ACTR3C: variants seen among roughly 807,000 people sequenced by gnomAD.
The protein encoded by ACTR3C is actin-related protein 3C.
ACTR3C carries 18 observed loss-of-function variants against 26.3 expected under a neutral mutation model. The observed-to-expected ratio is 0.68, with a 90% CI of 0.47 to 1.01. The LOEUF (loss-of-function observed/expected upper bound fraction) is 1.01. Among genes scored for constraint, ACTR3C ranks in the 50% least tolerant of loss-of-function variants. The probability of loss-of-function intolerance (pLI) is 0.00; values close to 1 mark genes in which losing one functional copy is unlikely to be tolerated. For synonymous variants in ACTR3C, 55 were observed against 94.5 expected, an observed-to-expected ratio of 0.58 and a Z score of 2.42; for missense variants, 184 against 250.7, an observed-to-expected ratio of 0.73 and a Z score of 1.80.
chr7:150,134,658 AG>A, the ACTR3C span, among the ~76,000 whole-genome samples: 1 of 146,976 alleles, frequency 6.8e-6, no homozygotes, highest in Non-Finnish European at 1.5e-5. Flanking sequence ...CGACGCCACC[AG>A]AGGGGTCGCT....
chr7:150,079,343 T>C, the ACTR3C span, among the ~76,000 whole-genome samples: 1 of 152,142 alleles, frequency 6.6e-6, no homozygotes, highest in Admixed American at 6.5e-5. Context: ...TTTTATGACT[T>C]CCTGTCCTCG....
chr7:150,043,187 C>T, the ACTR3C span, among the ~76,000 whole-genome samples: 812 of 150,350 alleles, frequency 5.4e-3, 2 homozygotes, highest in Non-Finnish European at 9.6e-3. Context: ...AGGTACCTGC[C>T]GTCGGAAGAT....
At chr7:150,008,584 C>T in the ACTR3C span, among the ~76,000 whole-genome samples, 1 of 152,020 alleles carries the variant, frequency 6.6e-6, no homozygotes, top group Non-Finnish European at 1.5e-5. Context: ...TCTCCTAGAA[C>T]TGAGCACAGT....
the ACTR3C span, among the ~76,000 whole-genome samples, chr7:150,236,166 A>G: frequency 6.6e-6 from 1 of 152,244 alleles, no homozygotes; most frequent in Non-Finnish European, 1.5e-5. Context: ...TTAACCCTGT[A>G]TCTGGGAGAA....
the ACTR3C span, among the ~76,000 whole-genome samples, chr7:150,166,357 G>A: frequency 2.0e-5 from 3 of 150,826 alleles, no homozygotes; most frequent in Admixed American, 2.0e-4. Context: ...TTTGTGTTGG[G>A]GATACTTCAA....
At chr7:150,084,920 G>A in the ACTR3C span, among the ~76,000 whole-genome samples, 5 of 152,176 alleles carry the variant, frequency 3.3e-5, no homozygotes, top group African/African-American at 1.2e-4. Flanking sequence ...TGCAGCCCCA[G>A]TGGGGAGGTG....
chr7:150,174,984 A>T, the ACTR3C span, among the ~76,000 whole-genome samples: 1 of 146,528 alleles, frequency 6.8e-6, no homozygotes, highest in Non-Finnish European at 1.5e-5. Flanking sequence ...TTTTTGTAGA[A>T]ATTGATGAGG....
the ACTR3C span, among the ~76,000 whole-genome samples, chr7:150,035,878 C>T: frequency 3.3e-5 from 4 of 121,226 alleles, no homozygotes; most frequent in East Asian, 2.4e-4. Context: ...CAGCCAGGGG[C>T]GGAAGAGGGG....
At chr7:150,118,394 C>G in the ACTR3C span, among the ~76,000 whole-genome samples, 214 of 151,622 alleles carry the variant, frequency 1.4e-3, no homozygotes, top group African/African-American at 5.0e-3. Flanking sequence ...ACATAAATGA[C>G]CTGATGGAGC....
chr7:150,025,278 C>G, the ACTR3C span, among the ~76,000 whole-genome samples: 1 of 151,890 alleles, frequency 6.6e-6, no homozygotes, highest in Non-Finnish European at 1.5e-5. Context: ...TCAGTACACT[C>G]TACCCTCTGG....
the ACTR3C span, among the ~76,000 whole-genome samples, chr7:150,035,931 C>G: frequency 1.5e-3 from 207 of 135,312 alleles, 2 homozygotes; most frequent in African/African-American, 5.1e-3. Context: ...CCTCGCCCTC[C>G]TGCGATGGGG....
the ACTR3C span, among the ~76,000 whole-genome samples, chr7:150,045,782 C>G: frequency 6.6e-6 from 1 of 152,194 alleles, no homozygotes; most frequent in Non-Finnish European, 1.5e-5. Context: ...AAATAAAATT[C>G]AGAGCTCTTG....
chr7:150,205,289 T>C, the ACTR3C span, among the ~76,000 whole-genome samples: 2 of 152,224 alleles, frequency 1.3e-5, no homozygotes, highest in Admixed American at 6.5e-5. Context: ...CTAATGCTTA[T>C]TGAAGCTGCT....
intron 2 of ACTR3C, 134 bp downstream of exon 2, chr7:150,295,118 T>C (rs1036132948): frequency 8.4e-6 from 9 of 1,075,332 alleles, no homozygotes; most frequent in African/African-American, 6.7e-5. Flanking sequence ...CTGAATGGCA[T>C]GGGGACGGGG....
the ACTR3C span, among the ~76,000 whole-genome samples, chr7:150,197,482 G>A: frequency 6.6e-6 from 1 of 152,110 alleles, no homozygotes; most frequent in Admixed American, 6.5e-5. Context: ...TCTCTCTAGT[G>A]GATTTTAAAA....
rs574458366 is a variant in ACTR3C at position 150,252,922 on chromosome 7, T to C, written c.565-3868A>G. 9.1e-4 allele frequency among the ~76,000 whole-genome samples: 138 copies of C among 151,668 alleles called. 1 individual carries two copies. Among genetic ancestry groups the C allele is most frequent in the African/African-American group, 3.1e-3 (126 of 40,936 alleles). Reference sequence around the variant, plus strand: ...CAACAGCTATCTCAATTGTGGATGATATTTATATAAGAGCAAACTTTAAGC... The same window carrying C: ...CAACAGCTATCTCAATTGTGGATGACATTTATATAAGAGCAAACTTTAAGC... On this transcript the variant is annotated intron_variant, in intron 6 of 7. Transcript: ENST00000683684.
chr7:150,142,848 G>T, the ACTR3C span, among the ~76,000 whole-genome samples: 179 of 138,690 alleles, frequency 1.3e-3, no homozygotes, highest in African/African-American at 4.6e-3. Flanking sequence ...TTTTGTTTTT[G>T]TTTTGAGACG....
At chr7:150,051,611 T>G in the ACTR3C span, among the ~76,000 whole-genome samples, 2 of 132,482 alleles carry the variant, frequency 1.5e-5, no homozygotes, top group Non-Finnish European at 3.3e-5. Context: ...AATTATTTAA[T>G]GTCGAGTTTA....
Position 150,267,870 on chromosome 7 carries a change from C to T in ACTR3C, c.564+16883G>A, listed in dbSNP as rs1225143080. On this transcript the variant is annotated intron_variant, in intron 6 of 7. Transcript: ENST00000683684. The stretch of plus-strand genomic sequence containing the variant: ...GCAGGGGCTGAGGAACTTCTGCCAG[C>T]GATGGTTCCCTTCTGTACCTTAACT... Among the ~76,000 whole-genome samples the T allele has an allele frequency of 2.6e-5, 4 of 152,126 alleles. No homozygotes were observed. The South Asian group carries it at 6.2e-4, about 24-fold the overall frequency.
Sources: allele counts gnomAD v4.1 joint callset (sites outside exome capture counted in the v4.1 genomes callset), GRCh38; gene constraint gnomAD v4.1.1; transcripts MANE v1.5; gene names NCBI Gene and HGNC (gene_info 2026-07-23, HGNC 2026-07-21).